CPN1: variants seen among roughly 807,000 people sequenced by gnomAD.
CPN1 encodes carboxypeptidase N subunit 1.
Under a neutral mutation model 46.4 loss-of-function variants are expected in CPN1, and 37 were observed. The observed-to-expected ratio is 0.80, with a 90% CI of 0.61 to 1.05. The LOEUF (loss-of-function observed/expected upper bound fraction) is 1.05. Ranked by LOEUF, CPN1 falls within the 50% of genes least tolerant of loss-of-function variation. The probability of loss-of-function intolerance (pLI) is 0.00; values close to 1 mark genes in which losing one functional copy is unlikely to be tolerated. For synonymous variants in CPN1, 224 were observed against 235.4 expected (o/e 0.95, Z 0.44); for missense variants, 563 against 602.6 (o/e 0.93, Z 0.69).
intron 3 of CPN1, 54 bp downstream of exon 3, chr10:100,069,660 C>T: frequency 6.2e-7 from 1 of 1,610,004 alleles, no homozygotes; most frequent in Non-Finnish European, 8.5e-7. Context: ...AGTCTTTCTG[C>T]AAGAAATTCC....
intron 5 of CPN1, among the ~76,000 whole-genome samples, chr10:100,059,465 T>A (rs1255101992): frequency 6.6e-6 from 1 of 151,900 alleles, no homozygotes; most frequent in Non-Finnish European, 1.5e-5. Context: ...GAATAGACAT[T>A]TCTCCAAAGA....
At chr10:100,063,796 T>C (rs1359147814) in intron 4 of CPN1, 71 bp from the exon 5 acceptor site, 7 of 1,166,966 alleles carry the variant, frequency 6.0e-6, no homozygotes, top group Non-Finnish European at 9.1e-6. Context: ...TACTCACAAC[T>C]AGGTTGAAGC....
chr10:100,044,014 T>C (rs1332263388), intron 8 of CPN1, among the ~76,000 whole-genome samples: 1 of 152,100 alleles, frequency 6.6e-6, no homozygotes, highest in Non-Finnish European at 1.5e-5. Flanking sequence ...CACACTCCTC[T>C]GGGGCAGGCC....
intron 6 of CPN1, among the ~76,000 whole-genome samples, chr10:100,056,285 T>C (rs1374683038): frequency 6.6e-6 from 1 of 152,224 alleles, no homozygotes; most frequent in East Asian, 1.9e-4. Context: ...GTTGGTTTTG[T>C]ATTTGCAGTT....
chr10:100,046,345 G>A (rs930319333), intron 8 of CPN1, among the ~76,000 whole-genome samples: 1 of 152,218 alleles, frequency 6.6e-6, no homozygotes, highest in Non-Finnish European at 1.5e-5. Context: ...AGTGGCTCAC[G>A]CCTGTAATCC....
intron 3 of CPN1, among the ~76,000 whole-genome samples, chr10:100,065,788 G>T (rs888108576): frequency 6.7e-6 from 1 of 148,616 alleles, no homozygotes; most frequent in Non-Finnish European, 1.5e-5. Context: ...ATGACTGACT[G>T]TGATAAACAC....
intron 1 of CPN1, 48 bp from the exon 2 acceptor site, chr10:100,076,155 C>T (rs188667294): frequency 6.3e-7 from 1 of 1,575,688 alleles, no homozygotes; most frequent in Admixed American, 1.7e-5. Flanking sequence ...GTCATTGATG[C>T]CTAACCTTGC....
Position 100,048,847 on chromosome 10 carries a change from G to A in CPN1, c.1141C>T (p.Leu381Phe), listed in dbSNP as rs955360034. 5 of 1,613,554 alleles carry A rather than the reference G, an allele frequency of 3.1e-6. No individual in the cohort carries two copies. In the African/African-American group the frequency reaches 4.0e-5, roughly 13 times the overall value. Residue 381 changes from leucine (L) to phenylalanine (F), a missense_variant, in exon 8 of 9, where the codon CTT becomes TTT. Physicochemically the swap from Leu to Phe is conservative, Grantham distance 22. Transcript: ENST00000370418. Reference protein sequence around the residue: ...GDHGDYFRLLLPGIYTVSATA... With the variant: ...GDHGDYFRLLFPGIYTVSATA... Reference sequence around the variant, plus strand: ...GCACTAACAGTGTAGATACCTGGAAGCAGCAGCCGGAAGTAATCACCATGG... The same window carrying A: ...GCACTAACAGTGTAGATACCTGGAAACAGCAGCCGGAAGTAATCACCATGG...
intron 2 of CPN1, among the ~76,000 whole-genome samples, chr10:100,075,171 G>A (rs532746216): frequency 3.7e-4 from 57 of 152,132 alleles, no homozygotes; most frequent in African/African-American, 1.3e-3. Flanking sequence ...CACGCCTGTA[G>A]ACCCAGCTAC....
intron 7 of CPN1, among the ~76,000 whole-genome samples, chr10:100,050,007 A>C (rs779194996): frequency 6.6e-6 from 1 of 152,214 alleles, no homozygotes; most frequent in Non-Finnish European, 1.5e-5. Flanking sequence ...AGAAATAAGA[A>C]TGAGAAGTAT....
chr10:100,051,063 T>C (rs1264057637), intron 7 of CPN1, among the ~76,000 whole-genome samples: 1 of 152,206 alleles, frequency 6.6e-6, no homozygotes, highest in African/African-American at 2.4e-5. Context: ...TTCAAAAGTA[T>C]GGCAAGGGAA....
chr10:100,071,674 G>T (rs1278915320), intron 2 of CPN1, among the ~76,000 whole-genome samples: 1 of 152,138 alleles, frequency 6.6e-6, no homozygotes, highest in African/African-American at 2.4e-5. Flanking sequence ...TATGATGGTT[G>T]CATCTGTACT....
chr10:100,080,048 T>C (rs1430536785), intron 1 of CPN1, among the ~76,000 whole-genome samples: 2 of 150,346 alleles, frequency 1.3e-5, no homozygotes, highest in East Asian at 3.9e-4. Flanking sequence ...ATTGCACCAC[T>C]GCATTCCAGC....
At chr10:100,076,167 G>A (rs1265446197) in intron 1 of CPN1, 60 bp from the exon 2 acceptor site, 4 of 1,524,934 alleles carry the variant, frequency 2.6e-6, no homozygotes, top group African/African-American at 1.4e-5. Flanking sequence ...TAACCTTGCA[G>A]AAGGACCTTT....
chr10:100,055,353 C>G (rs914144288), intron 6 of CPN1, among the ~76,000 whole-genome samples: 1 of 151,706 alleles, frequency 6.6e-6, no homozygotes, highest in Non-Finnish European at 1.5e-5. Context: ...CCATTATCCC[C>G]CCCCCCAGCC....
At chr10:100,059,664 A>G (rs933813114) in intron 5 of CPN1, among the ~76,000 whole-genome samples, 6 of 151,412 alleles carry the variant, frequency 4.0e-5, no homozygotes, top group African/African-American at 1.5e-4. Context: ...GGTGTTTTCT[A>G]TGGAAAACAG....
chr10:100,067,165 G>A (rs558359483), intron 3 of CPN1, among the ~76,000 whole-genome samples: 15 of 152,106 alleles, frequency 9.9e-5, no homozygotes, highest in Admixed American at 2.0e-4. Flanking sequence ...TTGATCTGTC[G>A]CCCAGACTAG....
intron 1 of CPN1, 88 bp from the exon 2 acceptor site, chr10:100,076,195 C>T (rs181050548): frequency 1.0e-4 from 129 of 1,267,768 alleles, no homozygotes; most frequent in Non-Finnish European, 1.3e-4. Flanking sequence ...TTTTCAGTAA[C>T]GAATGAAAGA....
Position 100,048,760 on chromosome 10 carries a change from A to C in CPN1, c.1228T>G (p.Leu410Val). 1 of 1,608,872 alleles carries C rather than the reference A, an allele frequency of 6.2e-7. No individual in the cohort carries two copies. Among genetic ancestry groups the C allele is most frequent in the Non-Finnish European group, 8.5e-7 (1 of 1,175,648 alleles). Residue 410 changes from leucine (L) to valine (V), a missense_variant and splice_region_variant, in exon 8 of 9, where the codon TTG becomes GTG. Physicochemically the swap from Leu to Val is conservative, Grantham distance 32 (BLOSUM62 1). Coordinates refer to ENST00000370418, the MANE Select transcript of CPN1 (RefSeq NM_001308.3). ...CCGTCAAGCTCAGCCTAACTCACCA[A>C]CGTTGGTTCCGCAGGACCCACGGTC... is the stretch of plus-strand genomic sequence containing the variant. ...TVTVGPAEPT[L>V]VNFHLKRSIP...
Sources: allele counts gnomAD v4.1 joint callset (sites outside exome capture counted in the v4.1 genomes callset), GRCh38; gene constraint gnomAD v4.1.1; transcripts MANE v1.5; gene names NCBI Gene and HGNC (gene_info 2026-07-23, HGNC 2026-07-21).